Variants in NMUR1 observed in about 807,000 individuals in gnomAD.
The protein encoded by NMUR1 is neuromedin U receptor 1.
A neutral mutation model predicts 18.8 loss-of-function variants in NMUR1; 16 were observed. The observed-to-expected ratio is 0.85, with a 90% CI of 0.58 to 1.29. The LOEUF is 1.29. Ranked by LOEUF, NMUR1 falls within the 50% of genes most tolerant of loss-of-function variation. The pLI, the probability that NMUR1 is intolerant of heterozygous loss-of-function variation, is 0.00. For missense variants in NMUR1, 529 were observed against 580.3 expected (o/e 0.91, Z 0.91); for synonymous variants, 258 against 258.2 (o/e 1.00, Z 0.01).
At chr2:231,521,973 C>CTCCCTCT, downstream of NMUR1, among the ~76,000 whole-genome samples, 1 of 83,828 alleles carries the variant, frequency 1.2e-5, no homozygotes. Context: ...TTTTTTTTCT[C>CTCCCTCT]TTTTTTTTTT....
At chr2:231,519,639 A>C (rs562949466), downstream of NMUR1, among the ~76,000 whole-genome samples, 1 of 152,240 alleles carries the variant, frequency 6.6e-6, no homozygotes, top group Non-Finnish European at 1.5e-5. Flanking sequence ...TCATTCTGAC[A>C]TGTAAGGATA....
chr2:231,520,974 G>A (rs186234133), downstream of NMUR1, among the ~76,000 whole-genome samples: 132 of 152,360 alleles, frequency 8.7e-4, no homozygotes, highest in African/African-American at 3.1e-3. Flanking sequence ...AACGCTGGCA[G>A]AGTAGGGTAG....
intron 2 of NMUR1, among the ~76,000 whole-genome samples, chr2:231,526,365 TGCACAGA>T (rs553052419): frequency 1.2e-3 from 184 of 151,414 alleles, no homozygotes; most frequent in African/African-American, 4.3e-3. Context: ...CCTGGCCTGG[TGCACAGA>T]GGGCCAGCGG....
chr2:231,529,836 G>T (rs962169593), intron 1 of NMUR1, among the ~76,000 whole-genome samples: 4 of 152,236 alleles, frequency 2.6e-5, no homozygotes, highest in Non-Finnish European at 5.9e-5. Context: ...CCTGGCATAC[G>T]GAAGGGCACG....
chr2:231,529,075 C>A (rs2047390703), intron 1 of NMUR1, 58 bp from the exon 2 acceptor site: 1 of 1,491,080 alleles, frequency 6.7e-7, no homozygotes, highest in Admixed American at 2.1e-5. Context: ...CTGGCTCTGT[C>A]CTCACTCATC....
At position 231,525,137 on chromosome 2, in the gene NMUR1, C is replaced by T. The variant is rs750836680; in HGVS notation, c.1187G>A (p.Ser396Asn). The T allele has an allele frequency of 1.2e-6, 2 of 1,614,048 alleles. No individual in the cohort carries two copies. The highest frequency in any genetic ancestry group is 3.3e-5 in the Admixed American group (2 of 60,002). Residue 396 changes from serine (S) to asparagine (N), a missense_variant, in exon 3 of 3, where the codon AGC (serine) becomes AAC (asparagine). Transcript: ENST00000305141. ...CAGGGAGCCCACATCACACAGGGTG[C>T]TGCCTGTGGTCATCCTGCTGAGGCT... The part of the protein sequence containing the change: ...SHSLSRMTTG[S>N]TLCDVGSLGS...
chr2:231,525,402 T>A lies in NMUR1; in HGVS notation c.922A>T (p.Ile308Phe), dbSNP rs771006377. The A allele has an allele frequency of 1.2e-6, 2 of 1,612,452 alleles. No individual in the cohort carries two copies. Among genetic ancestry groups the A allele is most frequent in the Non-Finnish European group, 1.7e-6 (2 of 1,179,036 alleles). Residue 308 changes from isoleucine (I) to phenylalanine (F), a missense_variant, in exon 3 of 3, where the codon ATC becomes TTC. Ile to Phe is a conservative substitution (Grantham distance 21). Transcript: ENST00000305141. ...TCGGCGTGGAACGGGGCCCAGCAGA[T>A]GCCAAACACCACGACCAGGACAACT... ...MLFVLVVVFG[I>F]CWAPFHADRV...
Position 231,528,965 on chromosome 2 carries a change from C to G in NMUR1, c.56G>C (p.Gly19Ala), listed in dbSNP as rs773936195. The G allele has an allele frequency of 6.8e-6, 11 of 1,613,778 alleles. No individual in the cohort carries two copies. The highest frequency in any genetic ancestry group is 5.3e-5 in the African/African-American group (4 of 74,914). Residue 19 changes from glycine to alanine, a missense_variant, in exon 2 of 3, where the codon GGT becomes GCT. Transcript: ENST00000305141. ...ATTGCAAGCCATGGGGTTCCTTGCA[C>G]CCCCTGGGTACAGGTCTCCAGGGAG... ...SVLPGDLYPG[G>A]ARNPMACNGS...
At chr2:231,529,839 A>T (rs1199531391) in intron 1 of NMUR1, among the ~76,000 whole-genome samples, 2 of 152,372 alleles carry the variant, frequency 1.3e-5, no homozygotes, top group South Asian at 4.1e-4. Flanking sequence ...GGCATACGGA[A>T]GGGCACGGGG....
rs1334219587 is a variant in NMUR1 at position 231,524,966 on chromosome 2, C to T, written c.*77G>A. On this transcript the variant is annotated 3_prime_UTR_variant, in exon 3 of 3. Transcript: ENST00000305141. The stretch of plus-strand genomic sequence containing the variant: ...GGGACAGTACGTGAAGGCATCCCTG[C>T]AGAGGAAGGCAGATGTGTCTCCCCA... 1.3e-6 allele frequency: 2 copies of T among 1,492,050 alleles called. No individual in the cohort carries two copies. The highest frequency in any genetic ancestry group is 4.6e-5 in the East Asian group (2 of 43,900). The allele number at this position is 1,492,050 out of a possible 1,614,324, so 92.4% of individuals were successfully genotyped here.
At chr2:231,529,198 T>C (rs563215827) in intron 1 of NMUR1, among the ~76,000 whole-genome samples, 181 bp from the exon 2 acceptor site, 1 of 152,192 alleles carries the variant, frequency 6.6e-6, no homozygotes, top group East Asian at 1.9e-4. Context: ...GTGCAGTGGC[T>C]CACACCTGTA....
downstream of NMUR1, among the ~76,000 whole-genome samples, chr2:231,520,497 A>T (rs1042978480): frequency 6.6e-6 from 1 of 152,200 alleles, no homozygotes; most frequent in African/African-American, 2.4e-5. Flanking sequence ...TGTAAGTGGG[A>T]GACTGGGCTT....
In NMUR1 at chr2:231,525,134, G is replaced by C. The variant is rs370401496; in HGVS notation, c.1190C>G (p.Thr397Ser). ...GCCCAGGGAGCCCACATCACACAGGGTGCTGCCTGTGGTCATCCTGCTGAG... is the reference window on the plus strand; with the variant it reads ...GCCCAGGGAGCCCACATCACACAGGCTGCTGCCTGTGGTCATCCTGCTGAG... ...HSLSRMTTGS[T>S]LCDVGSLGSW... Residue 397 changes from threonine (T) to serine (S), a missense_variant, in exon 3 of 3, where the codon ACC becomes AGC. Thr to Ser is a moderately conservative substitution (Grantham distance 58). Coordinates refer to ENST00000305141, the MANE Select transcript of NMUR1 (RefSeq NM_006056.5). The C allele has an allele frequency of 1.2e-6, 2 of 1,613,950 alleles. No individual in the cohort carries two copies. Among genetic ancestry groups the C allele is most frequent in the African/African-American group, 2.7e-5 (2 of 74,928 alleles).
Position 231,523,671 on chromosome 2 carries a change from T to A in NMUR1, c.*1372A>T, listed in dbSNP as rs4973438. ...GAAGGTCATCCTCCAGCTCCCAGCCTTGGAAGCCAGGGCTTCCTCTCAGGA... is the reference window on the plus strand; with the variant it reads ...GAAGGTCATCCTCCAGCTCCCAGCCATGGAAGCCAGGGCTTCCTCTCAGGA... On this transcript the variant is annotated 3_prime_UTR_variant, in exon 3 of 3. Coordinates refer to ENST00000305141, the MANE Select transcript of NMUR1 (RefSeq NM_006056.5). 0.28 allele frequency: 43,765 copies of A among 155,522 alleles called. 6,767 individuals carry two copies. The highest frequency in any genetic ancestry group is 0.5 in the East Asian group (2,624 of 5,262). The allele number at this position is 155,522 out of a possible 1,614,324, so 9.6% of individuals were successfully genotyped here.
At chr2:231,529,136 G>T in intron 1 of NMUR1, 119 bp from the exon 2 acceptor site, 1 of 1,040,354 alleles carries the variant, frequency 9.6e-7, no homozygotes, top group Non-Finnish European at 1.3e-6. Context: ...AGGCACCACT[G>T]AGAAAGAAAA....
In NMUR1 at chr2:231,530,437, C is replaced by G; in HGVS notation, c.-76G>C. On this transcript the variant is annotated 5_prime_UTR_variant, in exon 1 of 3. Coordinates refer to ENST00000305141, the MANE Select transcript of NMUR1 (RefSeq NM_006056.5). Reference sequence around the variant, plus strand: ...CAGACGCGGCGCGGGAGCCAGTGGACTGACTGACAGCGGCCCCAGCCCGCG... The same window carrying G: ...CAGACGCGGCGCGGGAGCCAGTGGAGTGACTGACAGCGGCCCCAGCCCGCG... 7.1e-7 allele frequency: 1 copy of G among 1,415,664 alleles called. No homozygotes were observed. The highest frequency in any genetic ancestry group is 9.2e-7 in the Non-Finnish European group (1 of 1,089,602). 87.7% of individuals were successfully genotyped at this position (1,415,664 alleles called of 1,614,324 possible).
Position 231,528,361 on chromosome 2 carries a change from C to T in NMUR1, c.660G>A (p.Met220Ile). The T allele has an allele frequency of 1.2e-6, 2 of 1,613,706 alleles. No individual in the cohort carries two copies. The highest frequency in any genetic ancestry group is 1.7e-6 in the Non-Finnish European group (2 of 1,179,880). Reference protein sequence around the residue: ...RGPVPDSAVCMLVRPRALYNM... With the variant: ...RGPVPDSAVCILVRPRALYNM... ...TGTAGAGGGCCCGTGGGCGGACCAG[C>T]ATGCAAACAGCTGAGTCTGGCACTG... The change falls in exon 2 of 3, where the codon ATG (methionine) becomes ATA (isoleucine). Residue 220 changes from methionine to isoleucine, a missense_variant. Coordinates refer to ENST00000305141, the MANE Select transcript of NMUR1 (RefSeq NM_006056.5).
chr2:231,529,365 C>A (rs772619471), intron 1 of NMUR1, among the ~76,000 whole-genome samples: 1 of 151,994 alleles, frequency 6.6e-6, no homozygotes, highest in African/African-American at 2.4e-5. Flanking sequence ...GAGGCTGAGG[C>A]GGGAGAATTG....
At chr2:231,529,294 T>C (rs529534062) in intron 1 of NMUR1, among the ~76,000 whole-genome samples, 9 of 152,256 alleles carry the variant, frequency 5.9e-5, no homozygotes, top group Admixed American at 2.0e-4. Context: ...ACCCCGTCTC[T>C]ACTAACAATA....
Sources: allele counts gnomAD v4.1 joint callset (sites outside exome capture counted in the v4.1 genomes callset), GRCh38; gene constraint gnomAD v4.1.1; transcripts MANE v1.5; gene names NCBI Gene and HGNC (gene_info 2026-07-23, HGNC 2026-07-21).